DNAH5: variants seen among roughly 807,000 people sequenced by gnomAD.
DNAH5 encodes dynein axonemal heavy chain 5.
In DNAH5, 372 loss-of-function variants were observed where a neutral mutation model predicts 518.2. That is an observed-to-expected ratio of 0.72 (90% confidence interval 0.66 to 0.78). The LOEUF is 0.78. Ranked by LOEUF, DNAH5 falls within the 30% of genes least tolerant of loss-of-function variation. The probability of loss-of-function intolerance (pLI) is 0.00; values close to 1 mark genes in which losing one functional copy is unlikely to be tolerated. For synonymous variants in DNAH5, 2,039 were observed against 2,025.9 expected (o/e 1.01, Z -0.17); for missense variants, 5,523 against 5,687.0 (o/e 0.97, Z 0.93).
At chr5:13,921,045 T>C (rs1777201439) in intron 5 of DNAH5, among the ~76,000 whole-genome samples, 1 of 152,194 alleles carries the variant, frequency 6.6e-6, no homozygotes, top group African/African-American at 2.4e-5. Flanking sequence ...AACCTGCACG[T>C]TGTGCACATG....
chr5:14,007,838 C>T (rs370721296), intron 1 of DNAH5, among the ~76,000 whole-genome samples: 4 of 152,090 alleles, frequency 2.6e-5, no homozygotes, highest in Non-Finnish European at 5.9e-5. Flanking sequence ...AGAGCTCCAG[C>T]GTCCTAAAGG....
At chr5:13,809,931 G>C in intron 45 of DNAH5, 128 bp downstream of exon 45, 2 of 967,982 alleles carry the variant, frequency 2.1e-6, no homozygotes, top group Non-Finnish European at 3.2e-6. Context: ...CTTCACACAC[G>C]AACGTTTTCA....
At chr5:13,965,206 T>C (rs974188672) in intron 1 of DNAH5, among the ~76,000 whole-genome samples, 5 of 152,164 alleles carry the variant, frequency 3.3e-5, no homozygotes, top group African/African-American at 1.2e-4. Context: ...AGGGCATTAA[T>C]AATATTTTAA....
In DNAH5 at chr5:13,885,101, C is replaced by T. The variant is rs766247333; in HGVS notation, c.2871G>A (p.Glu957=). Residue 957 remains glutamate, a synonymous_variant, in exon 19 of 79, where the codon GAG becomes GAA. Transcript: ENST00000265104. ...ETEMLGEEAR[E]LLSHFNHQNM... ...TCTGATGGTTGAAATGAGAGAGTAA[C>T]TCGCGGGCTTCTTCCCCTAACATCT... 2 of 1,614,238 alleles carry T rather than the reference C, an allele frequency of 1.2e-6. No homozygotes were observed. Among genetic ancestry groups the T allele is most frequent in the African/African-American group, 2.7e-5 (2 of 75,072 alleles).
intron 27 of DNAH5, among the ~76,000 whole-genome samples, chr5:13,865,006 C>CTTTT (rs70964512): frequency 8.0e-6 from 1 of 124,962 alleles, no homozygotes; most frequent in Non-Finnish European, 1.6e-5. Context: ...ACAAATAGCT[C>CTTTT]TTTTTTTTTT....
At chr5:13,890,244 T>A (rs1404543492) in intron 17 of DNAH5, among the ~76,000 whole-genome samples, 20 of 151,782 alleles carry the variant, frequency 1.3e-4, no homozygotes. Context: ...CCATCTCTAC[T>A]AAAATACAAA....
chr5:13,723,884 G>C (rs1745378247), intron 70 of DNAH5, among the ~76,000 whole-genome samples: 1 of 152,194 alleles, frequency 6.6e-6, no homozygotes. Context: ...CTTATATCTG[G>C]AGAAGGGACC....
intron 68 of DNAH5, among the ~76,000 whole-genome samples, chr5:13,734,837 C>T (rs1376801007): frequency 6.6e-6 from 1 of 152,188 alleles, no homozygotes; most frequent in African/African-American, 2.4e-5. Flanking sequence ...TTCCCACTCA[C>T]TATAAAATTC....
chr5:13,998,477 G>T (rs60667644), intron 1 of DNAH5, among the ~76,000 whole-genome samples: 2 of 152,134 alleles, frequency 1.3e-5, no homozygotes, highest in Non-Finnish European at 2.9e-5. Flanking sequence ...AAACACATGC[G>T]CATTGAACAC....
intron 21 of DNAH5, 77 bp downstream of exon 21, chr5:13,882,651 G>T: frequency 9.1e-7 from 1 of 1,100,338 alleles, no homozygotes; most frequent in Non-Finnish European, 1.4e-6. Flanking sequence ...AGAATTACAT[G>T]GAGGGGTTAA....
intron 1 of DNAH5, among the ~76,000 whole-genome samples, chr5:13,934,851 C>T (rs892270553): frequency 3.3e-5 from 5 of 152,166 alleles, no homozygotes; most frequent in African/African-American, 1.2e-4. Context: ...TCTTTAAAAA[C>T]AAACATGTTA....
Position 13,752,291 on chromosome 5 carries a change from T to C in DNAH5, c.10873-2A>G. ...GTACTTGTGATTTAAAGACGTGATC[T>C]AGGAACAGGATCACAAGGTTGCTAT... is the stretch of plus-strand genomic sequence containing the variant. On this transcript the variant is annotated splice_acceptor_variant, in intron 63 of 78. Coordinates refer to ENST00000265104, the MANE Select transcript of DNAH5 (RefSeq NM_001369.3). LOFTEE classifies it high-confidence loss of function. 2 of 1,613,998 alleles carry C rather than the reference T, an allele frequency of 1.2e-6. No individual in the cohort carries two copies. Among genetic ancestry groups the C allele is most frequent in the Non-Finnish European group, 1.7e-6 (2 of 1,179,896 alleles).
intron 1 of DNAH5, among the ~76,000 whole-genome samples, chr5:13,987,797 C>T (rs1783160866): frequency 6.7e-6 from 1 of 148,448 alleles, no homozygotes; most frequent in African/African-American, 2.5e-5. Flanking sequence ...GAGATTGCAG[C>T]AAGCCAAGAT....
At chr5:13,925,509 G>A (rs1470250117) in intron 3 of DNAH5, among the ~76,000 whole-genome samples, 2 of 152,170 alleles carry the variant, frequency 1.3e-5, no homozygotes, top group East Asian at 3.8e-4. Context: ...GTTCCACGTG[G>A]CTGGGGAAGC....
chr5:13,791,960 T>A (rs757720115), intron 50 of DNAH5, 34 bp downstream of exon 50: 1 of 1,485,600 alleles, frequency 6.7e-7, no homozygotes, highest in East Asian at 2.3e-5. Flanking sequence ...TTAATAGCAA[T>A]GTTATTTGTT....
intron 1 of DNAH5, among the ~76,000 whole-genome samples, chr5:14,009,392 A>AAGG (rs928305188): frequency 9.2e-5 from 14 of 152,322 alleles, no homozygotes; most frequent in Admixed American, 7.2e-4. Flanking sequence ...AAACAAACAC[A>AAGG]AGGGACCCTG....
chr5:13,935,630 T>C (rs1778853087), intron 1 of DNAH5, among the ~76,000 whole-genome samples: 2 of 152,214 alleles, frequency 1.3e-5, no homozygotes, highest in Non-Finnish European at 2.9e-5. Flanking sequence ...TAAGGTATCC[T>C]GGGAATACTG....
chr5:13,978,276 C>T (rs150097942), intron 1 of DNAH5, among the ~76,000 whole-genome samples: 1,758 of 152,360 alleles, frequency 0.012, 23 homozygotes, highest in Middle Eastern at 0.027. Context: ...ACTCTAGATG[C>T]TGCTGTGAAG....
chr5:13,979,673 G>C (rs1782527310), intron 1 of DNAH5, among the ~76,000 whole-genome samples: 2 of 152,120 alleles, frequency 1.3e-5, no homozygotes, highest in Non-Finnish European at 2.9e-5. Context: ...CAGCTACATG[G>C]AAACAGCTCA....
Sources: gnomAD v4.1 joint callset for allele counts (sites outside exome capture counted in the v4.1 genomes callset) on GRCh38, gnomAD v4.1.1 for gene constraint, MANE v1.5 for transcripts, NCBI Gene and HGNC (gene_info 2026-07-23, HGNC 2026-07-21) for gene names.